Variants in CAMK4 observed in about 807,000 individuals in gnomAD.
CAMK4 encodes calcium/calmodulin dependent protein kinase IV.
A neutral mutation model predicts 44.9 loss-of-function variants in CAMK4; 22 were observed. The observed-to-expected ratio is 0.49, with a 90% CI of 0.35 to 0.70. The LOEUF is 0.70. CAMK4 is among the 30% of genes least tolerant of loss of function. The probability of loss-of-function intolerance (pLI) is 0.01; values close to 1 mark genes in which losing one functional copy is unlikely to be tolerated. For missense variants in CAMK4, 498 were observed against 586.8 expected (o/e 0.85, Z 1.56); for synonymous variants, 218 against 215.4 (o/e 1.01, Z -0.11).
At chr5:111,437,857 C>T (rs147012227) in intron 5 of CAMK4, among the ~76,000 whole-genome samples, 5 of 152,158 alleles carry the variant, frequency 3.3e-5, no homozygotes, top group South Asian at 2.1e-4. Context: ...AGGATAAAGT[C>T]GTGGAAAACC....
intron 1 of CAMK4, among the ~76,000 whole-genome samples, chr5:111,317,597 T>C (rs981499564): frequency 6.6e-6 from 1 of 152,148 alleles, no homozygotes; most frequent in Admixed American, 6.6e-5. Context: ...ATGATCCTTA[T>C]AATGAGTCCA....
In CAMK4 at chr5:111,326,997, G is replaced by GT. The variant is rs959153575; in HGVS notation, c.162-17017dup. 3.1e-4 allele frequency among the ~76,000 whole-genome samples: 47 copies of GT among 149,514 alleles called. No homozygotes were observed. The South Asian group carries it at 4.9e-3, about 16-fold the overall frequency. ...AAAGCTGAGTGCTTTCTAAGAAACT[G>GT]TTTTTTTTTTAAATTTTATTATTAT... On this transcript the variant is annotated intron_variant, in intron 1 of 10. Transcript: ENST00000282356.
At chr5:111,381,375 G>A (rs1351605145) in intron 4 of CAMK4, among the ~76,000 whole-genome samples, 1 of 152,152 alleles carries the variant, frequency 6.6e-6, no homozygotes, top group Non-Finnish European at 1.5e-5. Flanking sequence ...TAGGGAAGCC[G>A]ATAATGCAGC....
intron 2 of CAMK4, among the ~76,000 whole-genome samples, chr5:111,360,816 T>C (rs1244705376): frequency 6.6e-6 from 1 of 151,970 alleles, no homozygotes; most frequent in African/African-American, 2.4e-5. Context: ...CCTCAGAAAA[T>C]CTAGACTTCT....
intron 2 of CAMK4, among the ~76,000 whole-genome samples, chr5:111,353,674 G>A (rs890087029): frequency 1.3e-5 from 2 of 151,850 alleles, no homozygotes; most frequent in Admixed American, 1.3e-4. Flanking sequence ...TATAAATGAG[G>A]TACAAAAATA....
rs181591798 is a variant in CAMK4 at position 111,245,848 on chromosome 5, C to A, written c.161+21204C>A. 2.4e-3 allele frequency among the ~76,000 whole-genome samples: 360 copies of A among 152,320 alleles called. 1 individual carries two copies. The highest frequency in any genetic ancestry group is 8.0e-3 in the African/African-American group (334 of 41,574). ...GTACGTCATAATCATGTGAACAAAC[C>A]TATCAGCCACAGGAGTAAATGGTTC... is the stretch of plus-strand genomic sequence containing the variant. On this transcript the variant is annotated intron_variant, in intron 1 of 10. Transcript: ENST00000282356.
At chr5:111,263,098 G>C (rs1327955140) in intron 1 of CAMK4, among the ~76,000 whole-genome samples, 1 of 152,208 alleles carries the variant, frequency 6.6e-6, no homozygotes, top group Non-Finnish European at 1.5e-5. Flanking sequence ...AGCGAAAAGA[G>C]ATCATAGTTC....
chr5:111,431,712 A>T (rs967651263), intron 5 of CAMK4, among the ~76,000 whole-genome samples: 2 of 152,210 alleles, frequency 1.3e-5, no homozygotes, highest in African/African-American at 2.4e-5. Context: ...ATTTGAATAG[A>T]CATTTCTCAA....
intron 1 of CAMK4, among the ~76,000 whole-genome samples, chr5:111,234,682 C>T (rs1196266519): frequency 6.6e-6 from 1 of 152,112 alleles, no homozygotes; most frequent in African/African-American, 2.4e-5. Flanking sequence ...GTGTTGTTAC[C>T]ACTTGCTTGT....
At chr5:111,422,340 G>A (rs1226215942) in intron 5 of CAMK4, among the ~76,000 whole-genome samples, 1 of 152,142 alleles carries the variant, frequency 6.6e-6, no homozygotes, top group Non-Finnish European at 1.5e-5. Flanking sequence ...TTCCTATGAG[G>A]AAAGTAGAAA....
chr5:111,371,700 A>C (rs1455247756), intron 2 of CAMK4, among the ~76,000 whole-genome samples: 1 of 152,176 alleles, frequency 6.6e-6, no homozygotes, highest in Non-Finnish European at 1.5e-5. Flanking sequence ...TTATCTATTT[A>C]ATATTCTCCG....
intron 2 of CAMK4, among the ~76,000 whole-genome samples, chr5:111,361,603 A>G (rs1482801835): frequency 6.6e-6 from 1 of 152,066 alleles, no homozygotes; most frequent in Non-Finnish European, 1.5e-5. Context: ...TTGAATATAT[A>G]AAGGACATGG....
intron 1 of CAMK4, among the ~76,000 whole-genome samples, chr5:111,226,571 A>G (rs557177222): frequency 6.6e-6 from 1 of 152,382 alleles, no homozygotes; most frequent in Admixed American, 6.5e-5. Context: ...ACTTAATATT[A>G]GCCTACATTT....
chr5:111,440,572 TAA>T (rs1753788877), intron 5 of CAMK4, among the ~76,000 whole-genome samples: 1 of 152,234 alleles, frequency 6.6e-6, no homozygotes, highest in South Asian at 2.1e-4. Flanking sequence ...ATTCTATTTA[TAA>T]GTTATATTGC....
intron 7 of CAMK4, chr5:111,449,495 C>T (rs1414498440): frequency 9.3e-6 from 2 of 214,350 alleles, no homozygotes; most frequent in African/African-American, 4.6e-5. Context: ...CAAGGAAACA[C>T]CATCGTTTAT....
chr5:111,429,545 A>G (rs771609193), intron 5 of CAMK4, among the ~76,000 whole-genome samples: 1 of 151,900 alleles, frequency 6.6e-6, no homozygotes, highest in African/African-American at 2.4e-5. Flanking sequence ...GGTGCTCTCT[A>G]TTTGTTTGCT....
chr5:111,225,886 A>G (rs977484308), intron 1 of CAMK4, among the ~76,000 whole-genome samples: 2 of 152,256 alleles, frequency 1.3e-5, no homozygotes, highest in African/African-American at 2.4e-5. Flanking sequence ...ATGTATACAT[A>G]AACATCCATT....
chr5:111,461,844 A>G (rs1437078404), intron 7 of CAMK4, among the ~76,000 whole-genome samples: 1 of 129,610 alleles, frequency 7.7e-6, no homozygotes, highest in Non-Finnish European at 1.7e-5. Flanking sequence ...AAATCCCAGC[A>G]TTTGCCCCTA....
At chr5:111,448,668 T>C (rs1253548243) in intron 6 of CAMK4, among the ~76,000 whole-genome samples, 1 of 151,986 alleles carries the variant, frequency 6.6e-6, no homozygotes, top group African/African-American at 2.4e-5. Context: ...TAGCCGGGTG[T>C]GGTGGCACGT....
Sources: gnomAD v4.1 joint callset for allele counts (sites outside exome capture counted in the v4.1 genomes callset) on GRCh38, gnomAD v4.1.1 for gene constraint, MANE v1.5 for transcripts, NCBI Gene and HGNC (gene_info 2026-07-23, HGNC 2026-07-21) for gene names.